TMEM117: variants seen among roughly 807,000 people sequenced by gnomAD.
The protein encoded by TMEM117 is transmembrane protein 117.
TMEM117 carries 27 observed loss-of-function variants against 52.4 expected under a neutral mutation model. That is an observed-to-expected ratio of 0.51 (90% CI 0.38 to 0.71). TMEM117 has a LOEUF of 0.71. TMEM117 is among the 30% of genes least tolerant of loss of function. The pLI, the probability that TMEM117 is intolerant of heterozygous loss-of-function variation, is 0.00. For missense variants in TMEM117, 556 were observed against 630.5 expected (o/e 0.88, Z 1.26); for synonymous variants, 215 against 206.3 (o/e 1.04, Z -0.36).
chr12:44,325,534 T>C lies in TMEM117; in HGVS notation c.768+25795T>C, dbSNP rs545245399. 1.5e-4 allele frequency among the ~76,000 whole-genome samples: 23 copies of C among 148,848 alleles called. 1 individual carries two copies. The East Asian group carries it at 4.4e-3, about 29-fold the overall frequency. On this transcript the variant is annotated intron_variant, in intron 6 of 7. Coordinates refer to ENST00000266534, the MANE Select transcript of TMEM117 (RefSeq NM_032256.3). ...ATTATTTATAGCTATTTATATTTAT[T>C]CTTTTTGTGAATTGGTTGTTCACAT...
chr12:44,171,164 C>T (rs1043566523), intron 4 of TMEM117, among the ~76,000 whole-genome samples: 6 of 151,780 alleles, frequency 4.0e-5, no homozygotes, highest in South Asian at 2.1e-4. Flanking sequence ...TACAGGCGCC[C>T]GCCACTACGC....
chr12:43,799,461 T>G, the TMEM117 span: 1 of 1,610,192 alleles, frequency 6.2e-7, no homozygotes, highest in Non-Finnish European at 8.5e-7. Flanking sequence ...GGGAAGATTG[T>G]GACAGCAAGT....
chr12:44,178,011 A>G (rs1489170683), intron 4 of TMEM117, among the ~76,000 whole-genome samples: 1 of 152,198 alleles, frequency 6.6e-6, no homozygotes, highest in East Asian at 1.9e-4. Flanking sequence ...ATAATTAAAG[A>G]CACATAATAT....
At chr12:44,289,981 C>T (rs1950684799) in intron 5 of TMEM117, among the ~76,000 whole-genome samples, 1 of 152,142 alleles carries the variant, frequency 6.6e-6, no homozygotes, top group South Asian at 2.1e-4. Context: ...CCTTTTAATA[C>T]ACCTGTTGGG....
At chr12:43,864,704 T>C (rs1156495783) in intron 2 of TMEM117, among the ~76,000 whole-genome samples, 2 of 152,120 alleles carry the variant, frequency 1.3e-5, no homozygotes, top group African/African-American at 4.8e-5. Context: ...CTCTGTGAAA[T>C]AGACCAATCG....
intron 3 of TMEM117, among the ~76,000 whole-genome samples, chr12:44,028,773 CCTT>C (rs1253227158): frequency 6.6e-6 from 1 of 152,206 alleles, no homozygotes; most frequent in East Asian, 1.9e-4. Flanking sequence ...TATTCCTCTG[CCTT>C]CTTCATAAAC....
chr12:44,107,205 T>G (rs1299679886), intron 3 of TMEM117, among the ~76,000 whole-genome samples: 2 of 152,066 alleles, frequency 1.3e-5, no homozygotes. Flanking sequence ...AAAATTGAAG[T>G]TAAAAATTAA....
chr12:44,086,990 A>T (rs1002385923), intron 3 of TMEM117, among the ~76,000 whole-genome samples: 3 of 147,506 alleles, frequency 2.0e-5, no homozygotes, highest in African/African-American at 4.9e-5. Context: ...ATATATAATT[A>T]ATAATTATAA....
At chr12:44,262,482 AAG>A (rs1450052025) in intron 5 of TMEM117, among the ~76,000 whole-genome samples, 1 of 152,210 alleles carries the variant, frequency 6.6e-6, no homozygotes, top group Non-Finnish European at 1.5e-5. Context: ...ATGGAAATGA[AAG>A]AGGTTATCTT....
At chr12:44,379,125 A>AG (rs1397461947) in intron 7 of TMEM117, among the ~76,000 whole-genome samples, 2 of 151,906 alleles carry the variant, frequency 1.3e-5, no homozygotes, top group Non-Finnish European at 2.9e-5. Flanking sequence ...CTAAAAAAAA[A>AG]TAGAAAGAAA....
At chr12:43,821,038 T>A in the TMEM117 span, among the ~76,000 whole-genome samples, 1 of 147,698 alleles carries the variant, frequency 6.8e-6, no homozygotes, top group African/African-American at 2.5e-5. Flanking sequence ...GAGCTTGCAG[T>A]GAGTCGAGAT....
chr12:44,260,926 A>G (rs893406111), intron 5 of TMEM117, among the ~76,000 whole-genome samples: 10 of 152,190 alleles, frequency 6.6e-5, no homozygotes, highest in African/African-American at 2.4e-4. Context: ...AAAATATTCT[A>G]TTTTGTAATT....
At chr12:44,125,009 G>T (rs889537171) in intron 3 of TMEM117, among the ~76,000 whole-genome samples, 1 of 152,156 alleles carries the variant, frequency 6.6e-6, no homozygotes, top group Non-Finnish European at 1.5e-5. Flanking sequence ...TGTACCTCTG[G>T]TAGAATTCAG....
chr12:44,181,895 G>A lies in TMEM117; in HGVS notation c.511-29395G>A, dbSNP rs1282086958. ...GTTTTTTCCAATTCTGTGAAGAAAG[G>A]CATTGGTAGCTTGATGGGGATGGCC... On this transcript the variant is annotated intron_variant, in intron 4 of 7. Coordinates refer to ENST00000266534, the MANE Select transcript of TMEM117 (RefSeq NM_032256.3). Among the ~76,000 whole-genome samples, 5 of 151,792 alleles carry A rather than the reference G, an allele frequency of 3.3e-5. No homozygotes were observed. The South Asian group carries it at 8.3e-4, about 25-fold the overall frequency.
At chr12:43,972,901 A>G (rs1304260073) in intron 3 of TMEM117, among the ~76,000 whole-genome samples, 3 of 152,194 alleles carry the variant, frequency 2.0e-5, no homozygotes, top group Admixed American at 6.5e-5. Context: ...TCATTTGCAT[A>G]TCTTTCAGGT....
chr12:44,243,991 G>A (rs941303878), intron 5 of TMEM117, among the ~76,000 whole-genome samples: 1 of 151,938 alleles, frequency 6.6e-6, no homozygotes, highest in East Asian at 1.9e-4. Context: ...GTATTCTGCT[G>A]TATGTATATA....
At chr12:43,889,855 A>G (rs1004078556) in intron 2 of TMEM117, among the ~76,000 whole-genome samples, 3 of 152,122 alleles carry the variant, frequency 2.0e-5, no homozygotes, top group Non-Finnish European at 2.9e-5. Flanking sequence ...AGGAAGTTCA[A>G]TGGGGAGTGG....
intron 5 of TMEM117, among the ~76,000 whole-genome samples, chr12:44,253,363 G>T (rs1190143532): frequency 6.6e-6 from 1 of 152,142 alleles, no homozygotes; most frequent in Non-Finnish European, 1.5e-5. Context: ...TTAAAATGTT[G>T]TCTTTTATGA....
chr12:43,910,925 G>A (rs1319856030), intron 2 of TMEM117, among the ~76,000 whole-genome samples: 1 of 78,560 alleles, frequency 1.3e-5, no homozygotes, highest in Non-Finnish European at 3.0e-5. Context: ...ACTGCCCAAG[G>A]TAATTTACAG....
Sources: gnomAD v4.1 joint callset for allele counts (sites outside exome capture counted in the v4.1 genomes callset) on GRCh38, gnomAD v4.1.1 for gene constraint, MANE v1.5 for transcripts, NCBI Gene and HGNC (gene_info 2026-07-23, HGNC 2026-07-21) for gene names.